ERC2: variants seen among roughly 807,000 people sequenced by gnomAD.
ERC2 encodes ERC protein 2.
In ERC2, 42 loss-of-function variants were observed where a neutral mutation model predicts 114.8. The observed-to-expected ratio is 0.37, with a 90% CI of 0.29 to 0.47. The LOEUF is 0.47. ERC2 is among the 20% of genes least tolerant of loss of function. The probability of loss-of-function intolerance (pLI) is 0.99; values close to 1 mark genes in which losing one functional copy is unlikely to be tolerated. For missense variants in ERC2, 939 were observed against 1,150.7 expected (o/e 0.82, Z 2.66); for synonymous variants, 454 against 425.5 (o/e 1.07, Z -0.82).
chr3:55,906,203 G>A (rs958722610), intron 13 of ERC2, among the ~76,000 whole-genome samples: 2 of 149,102 alleles, frequency 1.3e-5, no homozygotes, highest in Non-Finnish European at 3.0e-5. Context: ...GGGGCCGGGC[G>A]CGGTGGCTCA....
rs1491480619 is a variant in ERC2, at chr3:55,952,180, C to CTATATATATA, written c.2268-1621_2268-1620insTATATATATA. Among the ~76,000 whole-genome samples, 61 of 25,552 alleles carry CTATATATATA rather than the reference C, an allele frequency of 2.4e-3. 3 individuals are homozygous for CTATATATATA. Among genetic ancestry groups the CTATATATATA allele is most frequent in the Non-Finnish European group, 3.6e-3 (42 of 11,806 alleles). 16.8% of individuals were successfully genotyped at this position (25,552 alleles called of 152,430 possible). On this transcript the variant is annotated intron_variant, in intron 12 of 17. Coordinates refer to ENST00000288221, the MANE Select transcript of ERC2 (RefSeq NM_015576.3). The stretch of plus-strand genomic sequence containing the variant: ...ACACACACACACACACACACACACA[C>CTATATATATA]TCTCTCTCTCTCTCTCTCTATATAT...
intron 2 of ERC2, among the ~76,000 whole-genome samples, chr3:56,397,706 G>A (rs148985301): frequency 9.0e-4 from 137 of 152,218 alleles, no homozygotes; most frequent in African/African-American, 3.2e-3. Context: ...AGATAACAGC[G>A]GCTTAAACAA....
At chr3:55,933,414 A>G (rs1241359709) in intron 13 of ERC2, among the ~76,000 whole-genome samples, 1 of 152,190 alleles carries the variant, frequency 6.6e-6, no homozygotes, top group Non-Finnish European at 1.5e-5. Flanking sequence ...AAGATAGCAA[A>G]CACAATTCTT....
At chr3:55,788,337 A>C (rs1320264273) in intron 14 of ERC2, among the ~76,000 whole-genome samples, 1 of 152,220 alleles carries the variant, frequency 6.6e-6, no homozygotes, top group Admixed American at 6.5e-5. Flanking sequence ...GCCACTCTGC[A>C]AAGGGTATCT....
At chr3:56,242,070 C>G (rs1049488171) in intron 3 of ERC2, among the ~76,000 whole-genome samples, 1 of 152,124 alleles carries the variant, frequency 6.6e-6, no homozygotes, top group Admixed American at 6.6e-5. Context: ...ATGGAACCAA[C>G]CTAAATGCCC....
chr3:56,135,174 A>G (rs1490659339), intron 6 of ERC2, among the ~76,000 whole-genome samples: 1 of 152,040 alleles, frequency 6.6e-6, no homozygotes, highest in African/African-American at 2.4e-5. Context: ...GCTGGTCTCA[A>G]ACTCCTGACC....
chr3:55,685,710 C>A (rs780226529), intron 16 of ERC2, among the ~76,000 whole-genome samples: 1 of 152,140 alleles, frequency 6.6e-6, no homozygotes, highest in Non-Finnish European at 1.5e-5. Flanking sequence ...TCTTGACCCC[C>A]AGAATCGCTG....
intron 6 of ERC2, among the ~76,000 whole-genome samples, chr3:56,121,557 A>C (rs1434159903): frequency 6.6e-6 from 1 of 152,212 alleles, no homozygotes; most frequent in African/African-American, 2.4e-5. Context: ...CAAATGCTCC[A>C]ACTCTCAAAG....
chr3:56,134,570 T>C (rs1253347247), intron 6 of ERC2, among the ~76,000 whole-genome samples: 2 of 152,184 alleles, frequency 1.3e-5, no homozygotes, highest in Admixed American at 1.3e-4. Flanking sequence ...TGTGGATTTT[T>C]TTTTTGGTGG....
At chr3:56,146,299 CA>C (rs1053702205) in intron 5 of ERC2, among the ~76,000 whole-genome samples, 2 of 150,712 alleles carry the variant, frequency 1.3e-5, no homozygotes, top group African/African-American at 4.9e-5. Flanking sequence ...AACAAACGAA[CA>C]AAAAAAACCA....
intron 5 of ERC2, among the ~76,000 whole-genome samples, chr3:56,147,883 T>C (rs1375082294): frequency 6.6e-6 from 1 of 152,206 alleles, no homozygotes; most frequent in African/African-American, 2.4e-5. Context: ...GTAAAAATAA[T>C]AAATATTCAG....
At chr3:55,952,136 AACACACACACACACACACAC>A (rs778299355) in intron 12 of ERC2, among the ~76,000 whole-genome samples, 2 of 75,422 alleles carry the variant, frequency 2.7e-5, no homozygotes, top group African/African-American at 4.3e-5. Context: ...CCATCTCTAA[AACACACACACACACACACAC>A]ACACACACAC....
chr3:56,359,217 A>G (rs1436654500), intron 2 of ERC2, among the ~76,000 whole-genome samples: 2 of 152,198 alleles, frequency 1.3e-5, no homozygotes, highest in African/African-American at 4.8e-5. Context: ...CTGGATCATC[A>G]CTGTCCAAAT....
intron 7 of ERC2, among the ~76,000 whole-genome samples, chr3:56,029,239 G>C (rs2074234338): frequency 6.6e-6 from 1 of 151,046 alleles, no homozygotes; most frequent in South Asian, 2.1e-4. Context: ...ATTCATGAGA[G>C]ACAGTCATCT....
chr3:56,305,547 C>G (rs1250827042), intron 2 of ERC2, among the ~76,000 whole-genome samples: 1 of 150,832 alleles, frequency 6.6e-6, no homozygotes, highest in African/African-American at 2.4e-5. Flanking sequence ...CACACACACA[C>G]ACACACACTA....
At chr3:56,422,521 C>T (rs1445676947) in intron 2 of ERC2, among the ~76,000 whole-genome samples, 1 of 152,142 alleles carries the variant, frequency 6.6e-6, no homozygotes, top group Non-Finnish European at 1.5e-5. Context: ...CCTGCTGGCC[C>T]TCCCTCCTCG....
At chr3:56,238,338 C>G (rs1200933071) in intron 3 of ERC2, among the ~76,000 whole-genome samples, 2 of 152,214 alleles carry the variant, frequency 1.3e-5, no homozygotes, top group Admixed American at 6.5e-5. Flanking sequence ...TGTCTCCCTT[C>G]TCCTTGTTCA....
At chr3:56,295,921 G>A in intron 3 of ERC2, 98 bp downstream of exon 3, 1 of 1,310,276 alleles carries the variant, frequency 7.6e-7, no homozygotes, top group South Asian at 1.6e-5. Flanking sequence ...AGGGAATTTT[G>A]TTAAGGATGT....
At chr3:56,259,968 C>G (rs2150257963) in intron 3 of ERC2, among the ~76,000 whole-genome samples, 2 of 152,350 alleles carry the variant, frequency 1.3e-5, no homozygotes, top group African/African-American at 4.8e-5. Context: ...TTCCCACCAC[C>G]AGCGCTTCCT....
Sources: gnomAD v4.1 joint callset for allele counts (sites outside exome capture counted in the v4.1 genomes callset) on GRCh38, gnomAD v4.1.1 for gene constraint, MANE v1.5 for transcripts, NCBI Gene and HGNC (gene_info 2026-07-23, HGNC 2026-07-21) for gene names.